COL24A1: variants seen among roughly 807,000 people sequenced by gnomAD.
COL24A1 encodes collagen alpha-1(XXIV) chain.
Under a neutral mutation model 253.9 loss-of-function variants are expected in COL24A1, and 224 were observed. The ratio of observed to expected loss-of-function variants is 0.88; its 90% CI spans 0.79 to 0.99. The LOEUF is 0.99. COL24A1 is among the 50% of genes least tolerant of loss of function. The pLI, the probability that COL24A1 is intolerant of heterozygous loss-of-function variation, is 0.00. For synonymous variants in COL24A1, 685 were observed against 673.7 expected (o/e 1.02, Z -0.26); for missense variants, 2,131 against 2,068.5 (o/e 1.03, Z -0.59).
chr1:85,917,094 G>C (rs1345786779), intron 24 of COL24A1, among the ~76,000 whole-genome samples: 2 of 152,084 alleles, frequency 1.3e-5, no homozygotes, highest in East Asian at 3.9e-4. Context: ...CTCAACACCA[G>C]CTAAAATTAA....
Position 86,125,045 on chromosome 1 carries a change from TTG to T in COL24A1, c.1289_1290del (p.Thr430LysfsTer4). 6.2e-7 allele frequency: 1 copy of T among 1,613,030 alleles called. No individual in the cohort carries two copies. The highest frequency in any genetic ancestry group is 8.5e-7 in the Non-Finnish European group (1 of 1,179,534). On this transcript the variant is annotated frameshift_variant, in exon 3 of 60. Transcript: ENST00000370571. LOFTEE classifies it high-confidence loss of function. ...GGCTCATTTGTCACTCTATGCAAGC[TTG>T]TGTTTAAAATTGGTTGCATTTCCAT... ...ELMEMQPILN[T>X]SLHRVTNEPS...
At chr1:85,803,429 CA>C (rs35026268) in intron 47 of COL24A1, among the ~76,000 whole-genome samples, 83,731 of 115,328 alleles carry the variant, frequency 0.73, 30,376 homozygotes, top group Non-Finnish European at 0.85. Flanking sequence ...GACTCCATCT[CA>C]AAAAAAAAAA....
chr1:85,906,466 T>C (rs1310989773), intron 28 of COL24A1, among the ~76,000 whole-genome samples: 1 of 151,646 alleles, frequency 6.6e-6, no homozygotes, highest in Admixed American at 6.6e-5. Context: ...TCAGACACAC[T>C]AAGGTTTGAA....
chr1:85,851,981 C>G (rs1477579886), intron 37 of COL24A1, among the ~76,000 whole-genome samples: 2 of 152,164 alleles, frequency 1.3e-5, no homozygotes, highest in African/African-American at 4.8e-5. Context: ...ATCTTTACTG[C>G]TTCCCCTTTC....
At chr1:86,091,415 AG>A (rs374237517) in intron 6 of COL24A1, among the ~76,000 whole-genome samples, 2 of 152,144 alleles carry the variant, frequency 1.3e-5, no homozygotes, top group African/African-American at 4.8e-5. Flanking sequence ...ACTTTATGAT[AG>A]TTTCTGTAAG....
Position 85,743,723 on chromosome 1 carries a change from C to T in COL24A1, c.4672+943G>A, listed in dbSNP as rs555714926. On this transcript the variant is annotated intron_variant, in intron 57 of 59. Transcript: ENST00000370571. ...AATGCCCTCAAATATGGGAAAAAAT[C>T]AAGCTGAGAATTATTATAGGCAACT... is the stretch of plus-strand genomic sequence containing the variant. 2.8e-3 allele frequency among the ~76,000 whole-genome samples: 421 copies of T among 152,196 alleles called. 2 individuals are homozygous for T. The highest frequency in any genetic ancestry group is 9.5e-3 in the African/African-American group (393 of 41,548).
Position 86,107,620 on chromosome 1 carries a change from C to T in COL24A1, c.1599+4947G>A, listed in dbSNP as rs572608318. Among the ~76,000 whole-genome samples the T allele has an allele frequency of 3.8e-4, 58 of 151,868 alleles. 1 individual carries two copies. The highest frequency in any genetic ancestry group is 3.4e-3 in the Middle Eastern group (1 of 294). ...CCCGATCTTGGCTCACTGTAAGCTC[C>T]GCCTCCCGGGTTCACGCCATTCTCC... On this transcript the variant is annotated intron_variant, in intron 5 of 59. Transcript: ENST00000370571.
At chr1:85,876,242 T>C (rs1436273979) in intron 33 of COL24A1, among the ~76,000 whole-genome samples, 2 of 151,922 alleles carry the variant, frequency 1.3e-5, no homozygotes, top group Non-Finnish European at 2.9e-5. Context: ...AGGGTAGATT[T>C]AAGAGAGAAT....
intron 24 of COL24A1, among the ~76,000 whole-genome samples, 157 bp downstream of exon 24, chr1:85,961,092 T>C (rs1412995179): frequency 1.3e-5 from 2 of 152,108 alleles, no homozygotes; most frequent in Admixed American, 1.3e-4. Context: ...ATAGGTTTTA[T>C]TTGCCAGCAG....
intron 24 of COL24A1, among the ~76,000 whole-genome samples, chr1:85,916,034 A>G (rs1685864237): frequency 6.6e-6 from 1 of 152,200 alleles, no homozygotes; most frequent in African/African-American, 2.4e-5. Flanking sequence ...CTTAGCCTAT[A>G]GCATTTACTA....
intron 14 of COL24A1, among the ~76,000 whole-genome samples, chr1:86,023,659 T>C (rs1172227758): frequency 6.6e-6 from 1 of 152,148 alleles, no homozygotes; most frequent in African/African-American, 2.4e-5. Flanking sequence ...GGTTCTCAAT[T>C]TAATGCTCTA....
chr1:85,937,051 A>G (rs897833670), intron 24 of COL24A1, among the ~76,000 whole-genome samples: 1 of 147,588 alleles, frequency 6.8e-6, no homozygotes, highest in African/African-American at 2.5e-5. Context: ...CAAGTTGTCC[A>G]TATTCCCAGC....
chr1:85,815,594 A>G (rs926367489), intron 47 of COL24A1, among the ~76,000 whole-genome samples: 3 of 152,172 alleles, frequency 2.0e-5, no homozygotes, highest in Admixed American at 2.0e-4. Flanking sequence ...TGGTTAAGTT[A>G]TCATTTCATT....
At chr1:85,892,040 TAATA>T (rs1316484056) in intron 31 of COL24A1, among the ~76,000 whole-genome samples, 1 of 152,142 alleles carries the variant, frequency 6.6e-6, no homozygotes, top group African/African-American at 2.4e-5. Context: ...GCCAGGAACA[TAATA>T]AATATCATTT....
At chr1:86,027,047 G>A (rs149275833) in intron 14 of COL24A1, among the ~76,000 whole-genome samples, 1,599 of 152,220 alleles carry the variant, frequency 0.011, 29 homozygotes, top group African/African-American at 0.036. Context: ...GATATCTGGC[G>A]GAAGAAATTT....
chr1:86,036,328 C>A (rs555609417), intron 12 of COL24A1, among the ~76,000 whole-genome samples: 97 of 152,182 alleles, frequency 6.4e-4, no homozygotes, highest in African/African-American at 2.1e-3. Flanking sequence ...ACTCATTAAA[C>A]ATTTCATTTT....
At chr1:85,896,497 G>C in intron 28 of COL24A1, 88 bp from the exon 29 acceptor site, 1 of 1,177,660 alleles carries the variant, frequency 8.5e-7, no homozygotes, top group Non-Finnish European at 1.2e-6. Flanking sequence ...TGAACATGTT[G>C]ATGATTTTTT....
chr1:85,754,470 T>C (rs187578761), intron 55 of COL24A1, among the ~76,000 whole-genome samples: 2,541 of 97,726 alleles, frequency 0.026, 48 homozygotes, highest in Middle Eastern at 0.051. Context: ...CGCACCAGCA[T>C]GGCACATGTA....
At chr1:86,033,949 C>T (rs1698795932) in intron 12 of COL24A1, 26 bp from the exon 13 acceptor site, 4 of 1,557,328 alleles carry the variant, frequency 2.6e-6, no homozygotes, top group Non-Finnish European at 3.5e-6. Context: ...AGGAAGAATG[C>T]CAACATATAT....
Sources: gnomAD v4.1 joint callset for allele counts (sites outside exome capture counted in the v4.1 genomes callset) on GRCh38, gnomAD v4.1.1 for gene constraint, MANE v1.5 for transcripts, NCBI Gene and HGNC (gene_info 2026-07-23, HGNC 2026-07-21) for gene names.